C6orf52: variants seen among roughly 807,000 people sequenced by gnomAD.
C6orf52 encodes the protein chromosome 6 open reading frame 52.
Under a neutral mutation model 16.6 loss-of-function variants are expected in C6orf52, and 16 were observed. The observed-to-expected ratio is 0.96, with a 90% CI of 0.65 to 1.46. The LOEUF is 1.46. Ranked by LOEUF, C6orf52 falls within the 40% of genes most tolerant of loss-of-function variation. The probability of loss-of-function intolerance (pLI) is 0.00; values close to 1 mark genes in which losing one functional copy is unlikely to be tolerated. For synonymous variants in C6orf52, 53 were observed against 61.4 expected (o/e 0.86, Z 0.64); for missense variants, 166 against 182.3 (o/e 0.91, Z 0.52).
chr6:10,686,061 C>T (rs1768847508), intron 3 of C6orf52, among the ~76,000 whole-genome samples: 1 of 152,148 alleles, frequency 6.6e-6, no homozygotes, highest in Admixed American at 6.5e-5. Context: ...TAACTGCGCT[C>T]GCTCTGTTGC....
chr6:10,684,227 G>C (rs1768655981), intron 3 of C6orf52, among the ~76,000 whole-genome samples: 1 of 152,188 alleles, frequency 6.6e-6, no homozygotes, highest in African/African-American at 2.4e-5. Context: ...AGGACCACTT[G>C]AACCCAGGAG....
chr6:10,682,001 T>TCAC, intron 4 of C6orf52, among the ~76,000 whole-genome samples: 1 of 151,964 alleles, frequency 6.6e-6, no homozygotes, highest in Admixed American at 6.5e-5. Flanking sequence ...TGAGGAGGAG[T>TCAC]CACCAGGAAT....
At chr6:10,688,589 G>T (rs1769041731) in intron 1 of C6orf52, among the ~76,000 whole-genome samples, 1 of 152,076 alleles carries the variant, frequency 6.6e-6, no homozygotes, top group Non-Finnish European at 1.5e-5. Flanking sequence ...TTGTTTACAG[G>T]ATCCCCCTCA....
At chr6:10,685,471 A>C (rs1279889898) in intron 3 of C6orf52, among the ~76,000 whole-genome samples, 1 of 152,222 alleles carries the variant, frequency 6.6e-6, no homozygotes, top group South Asian at 2.1e-4. Context: ...ATATCATAAT[A>C]TAAAGCAAAT....
intron 2 of C6orf52, 98 bp downstream of exon 2, chr6:10,687,382 T>TA: frequency 5.0e-6 from 5 of 1,009,236 alleles, no homozygotes; most frequent in African/African-American, 1.7e-5. Context: ...CCCCAGAACT[T>TA]TAAAAAAAAA....
rs540760855 is a variant in C6orf52 at position 10,671,469 on chromosome 6, T to C, written c.446A>G (p.Glu149Gly). ...LDTVHSEIPDETPK is the reference protein window; with the variant it reads ...LDTVHSEIPDGTPK Reference sequence around the variant, plus strand: ...GAACACCTTGCTTCACTTCGGGGTCTCATCTGGGATTTCGGAGTGAACTGT... The same window carrying C: ...GAACACCTTGCTTCACTTCGGGGTCCCATCTGGGATTTCGGAGTGAACTGT... Residue 149 changes from glutamate (E) to glycine (G), a missense_variant, in exon 5 of 5, where the codon GAG becomes GGG. Glu to Gly is a moderately conservative substitution (Grantham distance 98). Transcript: ENST00000259983. The C allele has an allele frequency of 2.7e-5, 41 of 1,542,910 alleles. No homozygotes were observed. The highest frequency in any genetic ancestry group is 3.5e-5 in the Non-Finnish European group (40 of 1,144,928).
chr6:10,689,763 CAGA>C (rs745589672), intron 1 of C6orf52, among the ~76,000 whole-genome samples: 15 of 152,196 alleles, frequency 9.9e-5, no homozygotes, highest in East Asian at 3.8e-4. Flanking sequence ...AGGCATCATG[CAGA>C]AGAATACTGG....
chr6:10,691,433 A>G (rs984927951), intron 1 of C6orf52, among the ~76,000 whole-genome samples: 1 of 152,098 alleles, frequency 6.6e-6, no homozygotes, highest in Non-Finnish European at 1.5e-5. Flanking sequence ...ATGCACCGGT[A>G]ATTAGAACGG....
chr6:10,675,972 A>C (rs1767838606), intron 4 of C6orf52, among the ~76,000 whole-genome samples: 1 of 148,304 alleles, frequency 6.7e-6, no homozygotes, highest in Admixed American at 6.6e-5. Context: ...TCTCTACTAA[A>C]AATACAAAAA....
intron 1 of C6orf52, among the ~76,000 whole-genome samples, chr6:10,694,010 G>A (rs1261455884): frequency 6.6e-6 from 1 of 152,202 alleles, no homozygotes; most frequent in Non-Finnish European, 1.5e-5. Context: ...TGCAATCCCA[G>A]CAACTTTGGG....
intron 4 of C6orf52, among the ~76,000 whole-genome samples, chr6:10,676,079 GA>G (rs1233113908): frequency 6.6e-6 from 1 of 152,102 alleles, no homozygotes; most frequent in Non-Finnish European, 1.5e-5. Context: ...GCAGTGAGCC[GA>G]AATCACGCCA....
intron 4 of C6orf52, among the ~76,000 whole-genome samples, chr6:10,672,945 T>C (rs542371366): frequency 2.7e-4 from 41 of 152,366 alleles, no homozygotes; most frequent in African/African-American, 8.7e-4. Context: ...AATGGTCAAA[T>C]AGGCTTTAGT....
intron 3 of C6orf52, 31 bp from the exon 4 acceptor site, chr6:10,683,263 A>T: frequency 6.9e-7 from 1 of 1,450,880 alleles, no homozygotes; most frequent in Admixed American, 2.1e-5. Flanking sequence ...ATGAGAAAAT[A>T]ATTTTACTTA....
At chr6:10,689,810 A>C (rs1769138285) in intron 1 of C6orf52, among the ~76,000 whole-genome samples, 1 of 152,194 alleles carries the variant, frequency 6.6e-6, no homozygotes, top group Non-Finnish European at 1.5e-5. Context: ...GTCACCAATG[A>C]CTAAGGACTC....
intron 4 of C6orf52, among the ~76,000 whole-genome samples, chr6:10,679,816 A>G (rs1430483790): frequency 6.6e-6 from 1 of 152,140 alleles, no homozygotes; most frequent in Admixed American, 6.5e-5. Context: ...AAGCTTTCAG[A>G]TTTTCCCCGT....
At chr6:10,692,547 TCTCC>T (rs1445925122) in intron 1 of C6orf52, among the ~76,000 whole-genome samples, 1 of 152,072 alleles carries the variant, frequency 6.6e-6, no homozygotes, top group Admixed American at 6.6e-5. Flanking sequence ...TTCAAGCGAT[TCTCC>T]CGCCTCACCC....
intron 3 of C6orf52, among the ~76,000 whole-genome samples, chr6:10,686,099 T>C (rs923397563): frequency 1.3e-5 from 2 of 152,308 alleles, no homozygotes; most frequent in East Asian, 1.9e-4. Flanking sequence ...GGCACAATCA[T>C]GGCTCATTGC....
At chr6:10,683,162 C>T (rs1194237706) in intron 4 of C6orf52, 25 bp downstream of exon 4, 2 of 1,495,780 alleles carry the variant, frequency 1.3e-6, no homozygotes, top group African/African-American at 1.4e-5. Context: ...TGTTTCCAAC[C>T]ACTTCAGCAC....
chr6:10,694,740 T>C (rs1561887881), upstream of C6orf52: 2 of 414,804 alleles, frequency 4.8e-6, no homozygotes, highest in East Asian at 4.2e-5. Flanking sequence ...GATTTTTTTC[T>C]CCTTGCAGTG....
Sources: gnomAD v4.1 joint callset for allele counts (sites outside exome capture counted in the v4.1 genomes callset) on GRCh38, gnomAD v4.1.1 for gene constraint, MANE v1.5 for transcripts, NCBI Gene and HGNC (gene_info 2026-07-23, HGNC 2026-07-21) for gene names.